Variants in ADAMTS16 observed in about 807,000 individuals in gnomAD.
ADAMTS16 encodes the protein A disintegrin and metalloproteinase with thrombospondin motifs 16.
A neutral mutation model predicts 145.8 loss-of-function variants in ADAMTS16; 94 were observed. The ratio of observed to expected loss-of-function variants is 0.64; its 90% CI spans 0.55 to 0.77. The LOEUF (loss-of-function observed/expected upper bound fraction) is 0.77, where lower values mean the gene tolerates loss of function less well. Among genes scored for constraint, ADAMTS16 ranks in the 30% least tolerant of loss-of-function variants. The pLI is 0.00. For missense variants in ADAMTS16, 1,585 were observed against 1,591.5 expected (o/e 1.00, Z 0.07); for synonymous variants, 659 against 604.3 (o/e 1.09, Z -1.33).
Position 5,319,213 on chromosome 5 carries a change from A to T in ADAMTS16, c.*75A>T. The T allele has an allele frequency of 9.3e-7, 1 of 1,077,056 alleles. No homozygotes were observed. Among genetic ancestry groups the T allele is most frequent in the South Asian group, 1.3e-5 (1 of 74,822 alleles). 66.7% of individuals were successfully genotyped at this position (1,077,056 alleles called of 1,614,324 possible). A position where few individuals can be genotyped will look rare whatever the true frequency, so the allele number is the denominator to read the frequency against. On this transcript the variant is annotated 3_prime_UTR_variant, in exon 23 of 23. Coordinates refer to ENST00000274181, the MANE Select transcript of ADAMTS16 (RefSeq NM_139056.4). ...TTCCCACAAATGAGCTGTGCAATCT[A>T]CGTCGGAATACATCCAAGGAAGAGC...
chr5:5,293,778 T>C (rs1739422793), intron 18 of ADAMTS16, among the ~76,000 whole-genome samples: 2 of 152,200 alleles, frequency 1.3e-5, no homozygotes, highest in African/African-American at 4.8e-5. Flanking sequence ...GTAGACATGT[T>C]AGTTAGGTAC....
At position 5,186,082 on chromosome 5, in the gene ADAMTS16, T is replaced by G; in HGVS notation, c.794T>G (p.Phe265Cys). ...CCCCAGCCTCCCAAGGAAGACCTCT[T>G]CATCTTGCCAGATGAGTATAAGTCT... ...YMPQPPKEDLFILPDEYKSCL... is the reference protein window; with the variant it reads ...YMPQPPKEDLCILPDEYKSCL... Residue 265 changes from phenylalanine to cysteine, a missense_variant, in exon 5 of 23, where the codon TTC becomes TGC. Physicochemically the swap from Phe to Cys is radical, Grantham distance 205. This residue lies in a region of ADAMTS16 where 453 missense variants were observed against 412.1 expected (regional missense o/e 1.10). Coordinates refer to ENST00000274181, the MANE Select transcript of ADAMTS16 (RefSeq NM_139056.4). The G allele has an allele frequency of 3.1e-6, 5 of 1,613,946 alleles. No individual in the cohort carries two copies. Among genetic ancestry groups the G allele is most frequent in the Non-Finnish European group, 4.2e-6 (5 of 1,180,010 alleles).
At chr5:5,177,294 G>A (rs993736455) in intron 3 of ADAMTS16, among the ~76,000 whole-genome samples, 1 of 151,814 alleles carries the variant, frequency 6.6e-6, no homozygotes, top group Non-Finnish European at 1.5e-5. Context: ...TAAGCAACTG[G>A]AAAGTGACCA....
chr5:5,140,628 G>T, intron 1 of ADAMTS16, 36 bp from the exon 2 acceptor site: 4 of 1,529,850 alleles, frequency 2.6e-6, no homozygotes, highest in Non-Finnish European at 3.5e-6. Flanking sequence ...CGCGGACCCC[G>T]CCGTCTCACC....
At chr5:5,172,283 A>C (rs923518320) in intron 3 of ADAMTS16, among the ~76,000 whole-genome samples, 4 of 151,054 alleles carry the variant, frequency 2.6e-5, no homozygotes, top group African/African-American at 7.3e-5. Context: ...TTCTTCTATT[A>C]ATTTTTGGTT....
intron 7 of ADAMTS16, among the ~76,000 whole-genome samples, chr5:5,190,575 G>A (rs940849706): frequency 6.6e-6 from 1 of 151,928 alleles, no homozygotes; most frequent in Non-Finnish European, 1.5e-5. Context: ...TACGGGGCTG[G>A]GTGTGACTTG....
intron 10 of ADAMTS16, among the ~76,000 whole-genome samples, chr5:5,220,449 C>T (rs868358854): frequency 1.6e-4 from 24 of 151,920 alleles, no homozygotes; most frequent in Non-Finnish European, 2.8e-4. Context: ...TGAGCCACCG[C>T]GCCCGGCCAA....
At chr5:5,162,099 C>A (rs189272990) in intron 3 of ADAMTS16, among the ~76,000 whole-genome samples, 42 of 152,214 alleles carry the variant, frequency 2.8e-4, no homozygotes, top group African/African-American at 9.9e-4. Context: ...TAGACGTATG[C>A]ATGTTAAAGT....
intron 3 of ADAMTS16, among the ~76,000 whole-genome samples, chr5:5,161,409 C>T (rs553780566): frequency 6.6e-6 from 1 of 152,328 alleles, no homozygotes; most frequent in South Asian, 2.1e-4. Flanking sequence ...GTGTGGCTGA[C>T]TCCAGGCTCT....
At chr5:5,311,317 AC>A (rs1554001109) in intron 21 of ADAMTS16, among the ~76,000 whole-genome samples, 1,523 of 95,948 alleles carry the variant, frequency 0.016, 50 homozygotes, top group African/African-American at 0.039. Context: ...AAAAAAAAAA[AC>A]AAAAAAACAA....
intron 17 of ADAMTS16, among the ~76,000 whole-genome samples, chr5:5,257,002 A>C (rs887115403): frequency 6.6e-6 from 1 of 152,216 alleles, no homozygotes; most frequent in African/African-American, 2.4e-5. Context: ...TCGGGTTATC[A>C]TAACTATTAC....
At chr5:5,232,231 C>A in intron 11 of ADAMTS16, 137 bp from the exon 12 acceptor site, 3 of 822,130 alleles carry the variant, frequency 3.6e-6, no homozygotes, top group Non-Finnish European at 5.4e-6. Context: ...ATATTAGGTG[C>A]TGCTTGAGTG....
intron 18 of ADAMTS16, among the ~76,000 whole-genome samples, chr5:5,271,807 G>A (rs1312535158): frequency 1.3e-5 from 2 of 152,126 alleles, no homozygotes; most frequent in African/African-American, 4.8e-5. Context: ...ATCACATATC[G>A]TGATCAAATG....
chr5:5,187,679 G>T (rs1233019457), intron 5 of ADAMTS16, 46 bp from the exon 6 acceptor site: 10 of 1,376,582 alleles, frequency 7.3e-6, no homozygotes, highest in Non-Finnish European at 1.0e-5. Context: ...AAGTAGGGGG[G>T]AAAATGCCAT....
chr5:5,144,635 C>T (rs1032665309), intron 2 of ADAMTS16, among the ~76,000 whole-genome samples: 1 of 152,154 alleles, frequency 6.6e-6, no homozygotes, highest in Non-Finnish European at 1.5e-5. Context: ...TTGCCAAAGC[C>T]GACTTTAGGA....
intron 18 of ADAMTS16, among the ~76,000 whole-genome samples, chr5:5,273,435 A>C (rs1481459661): frequency 6.6e-6 from 1 of 152,200 alleles, no homozygotes; most frequent in African/African-American, 2.4e-5. Context: ...AGGTGGGAGG[A>C]TCACTTGAGC....
chr5:5,309,425 T>G (rs912224891), intron 21 of ADAMTS16, among the ~76,000 whole-genome samples: 1 of 152,216 alleles, frequency 6.6e-6, no homozygotes, highest in Non-Finnish European at 1.5e-5. Context: ...TCACTGTCTT[T>G]GATATACCAT....
intron 18 of ADAMTS16, among the ~76,000 whole-genome samples, chr5:5,271,659 C>T (rs1738478518): frequency 6.6e-6 from 1 of 152,200 alleles, no homozygotes; most frequent in Non-Finnish European, 1.5e-5. Context: ...TAACACTAAT[C>T]ACACACCTGC....
intron 7 of ADAMTS16, among the ~76,000 whole-genome samples, chr5:5,190,535 T>C (rs538912972): frequency 3.3e-5 from 5 of 152,204 alleles, no homozygotes; most frequent in African/African-American, 4.8e-5. Flanking sequence ...TCTCTCTCTG[T>C]ATCTCAATCT....
Sources: allele counts gnomAD v4.1 joint callset (sites outside exome capture counted in the v4.1 genomes callset), GRCh38; gene constraint gnomAD v4.1.1; regional missense constraint gnomAD v4.1.1; transcripts MANE v1.5; gene names NCBI Gene and HGNC (gene_info 2026-07-23, HGNC 2026-07-21).